ACOT11: variants seen among roughly 807,000 people sequenced by gnomAD.
ACOT11 encodes the protein acyl-CoA thioesterase 11.
ACOT11 carries 69 observed loss-of-function variants against 77.5 expected under a neutral mutation model. The ratio of observed to expected loss-of-function variants is 0.89; its 90% CI spans 0.73 to 1.09. The LOEUF (loss-of-function observed/expected upper bound fraction) is 1.09, where lower values mean the gene tolerates loss of function less well. ACOT11 is among the 50% of genes least tolerant of loss of function. The pLI is 0.00. For synonymous variants in ACOT11, 279 were observed against 313.0 expected, an observed-to-expected ratio of 0.89 and a Z score of 1.15; for missense variants, 766 against 813.7, an observed-to-expected ratio of 0.94 and a Z score of 0.71.
In ACOT11 at chr1:54,604,272, C is replaced by T. The variant is rs1643999257; in HGVS notation, c.1153-74C>T. ...ATTCCTGGCCCAGGTTCCTCTCTGG[C>T]ACACCCTTGGCCTTGGCTCAGGGGC... On this transcript the variant is annotated intron_variant, in intron 11 of 15. Coordinates refer to ENST00000343744, the MANE Select transcript of ACOT11 (RefSeq NM_147161.4). The T allele has an allele frequency of 3.5e-6, 5 of 1,419,096 alleles. No individual in the cohort carries two copies. In the Middle Eastern group the frequency reaches 7.0e-4, roughly 197 times the overall value. The allele number at this position is 1,419,096 out of a possible 1,614,324, so 87.9% of individuals were successfully genotyped here. A position where few individuals can be genotyped will look rare whatever the true frequency, so the allele number is the denominator to read the frequency against.
At chr1:54,611,862 C>T (rs541940461), downstream of ACOT11, 113 of 1,195,898 alleles carry the variant, frequency 9.4e-5, no homozygotes, top group African/African-American at 1.1e-4. Context: ...GTCCTCCAGT[C>T]GCCCACCTGC....
intron 15 of ACOT11, chr1:54,616,171 G>T: frequency 1.2e-6 from 2 of 1,612,812 alleles, no homozygotes; most frequent in Non-Finnish European, 1.7e-6. Context: ...CTGTGATGTT[G>T]CCTGTGGAAG....
intron 1 of ACOT11, among the ~76,000 whole-genome samples, chr1:54,559,791 G>T (rs1375851080): frequency 6.6e-6 from 1 of 152,156 alleles, no homozygotes; most frequent in Non-Finnish European, 1.5e-5. Context: ...CAAGGCTCTG[G>T]TATGAAGCCA....
At chr1:54,574,502 A>G (rs1238230601) in intron 1 of ACOT11, among the ~76,000 whole-genome samples, 1 of 152,232 alleles carries the variant, frequency 6.6e-6, no homozygotes, top group African/African-American at 2.4e-5. Flanking sequence ...AGGCAGGACC[A>G]TGGCAACTTA....
chr1:54,574,749 C>T (rs570201835), intron 1 of ACOT11, among the ~76,000 whole-genome samples: 21 of 152,274 alleles, frequency 1.4e-4, no homozygotes, highest in African/African-American at 5.1e-4. Flanking sequence ...ACCCACTGTC[C>T]ACCAGCAAAC....
chr1:54,550,995 C>T (rs1323409987), intron 1 of ACOT11, among the ~76,000 whole-genome samples: 2 of 151,910 alleles, frequency 1.3e-5, no homozygotes, highest in Non-Finnish European at 2.9e-5. Flanking sequence ...CAAAAATTAG[C>T]TGGGCATGGT....
chr1:54,628,593 G>GCCC (rs61261431), intron 15 of ACOT11, among the ~76,000 whole-genome samples: 7 of 70,332 alleles, frequency 1.0e-4, no homozygotes, highest in South Asian at 5.2e-4. Flanking sequence ...AGACCCCATC[G>GCCC]CCCCCCCCCC....
chr1:54,612,108 G>T (rs1289996274), downstream of ACOT11, among the ~76,000 whole-genome samples: 1 of 150,448 alleles, frequency 6.6e-6, no homozygotes, highest in Non-Finnish European at 1.5e-5. Context: ...TGGAAGGTAG[G>T]GGGTATAGTG....
rs1557660320 is a variant in ACOT11 at position 54,594,588 on chromosome 1, A to T, written c.504A>T (p.Glu168Asp). 6.2e-7 allele frequency: 1 copy of T among 1,614,136 alleles called. No individual in the cohort carries two copies. Among genetic ancestry groups the T allele is most frequent in the African/African-American group, 1.3e-5 (1 of 75,074 alleles). ...VKLKQITPRT[E>D]EEKMEHSVAA... ...TGAAGCAGATCACGCCGCGGACAGA[A>T]GAGGAGAAGATGGAGCACAGTGTGG... The change falls in exon 6 of 16, where the codon GAA becomes GAT. Residue 168 changes from glutamate (E) to aspartate (D), a missense_variant. Physicochemically the swap from Glu to Asp is conservative, Grantham distance 45. Coordinates refer to ENST00000343744, the MANE Select transcript of ACOT11 (RefSeq NM_147161.4).
rs766620505 is a variant in ACOT11 at position 54,609,899 on chromosome 1, GTT to G, written c.*788_*789del. 2.5e-6 allele frequency: 4 copies of G among 1,611,042 alleles called. No homozygotes were observed. The highest frequency in any genetic ancestry group is 3.4e-6 in the Non-Finnish European group (4 of 1,179,912). On this transcript the variant is annotated 3_prime_UTR_variant, in exon 16 of 16. Transcript: ENST00000343744. ...AATGGGCACGGGGTTTTCAGCCACAGTTCCCTCGAGGCCAGTGTTCAGCAGGA... is the reference window on the plus strand; with the variant it reads ...AATGGGCACGGGGTTTTCAGCCACAGCCCTCGAGGCCAGTGTTCAGCAGGA...
intron 1 of ACOT11, among the ~76,000 whole-genome samples, chr1:54,573,885 C>G (rs1231936235): frequency 6.6e-6 from 1 of 151,914 alleles, no homozygotes; most frequent in Non-Finnish European, 1.5e-5. Context: ...AAAAATTAGC[C>G]GGGCGTGATG....
At chr1:54,624,947 G>A (rs1301785664) in intron 15 of ACOT11, among the ~76,000 whole-genome samples, 2 of 151,954 alleles carry the variant, frequency 1.3e-5, no homozygotes, top group Non-Finnish European at 2.9e-5. Context: ...GGTGCTGGTT[G>A]GGAGGTGATG....
At chr1:54,603,198 G>A (rs1426782260) in intron 10 of ACOT11, among the ~76,000 whole-genome samples, 3 of 152,200 alleles carry the variant, frequency 2.0e-5, no homozygotes, top group African/African-American at 7.2e-5. Context: ...TTAGCTGGGC[G>A]TGGTGGCTCT....
chr1:54,611,626 G>T, downstream of ACOT11: 1 of 1,613,982 alleles, frequency 6.2e-7, no homozygotes, highest in South Asian at 1.1e-5. Flanking sequence ...CTTGAACTGT[G>T]ACAGGAGAGG....
At chr1:54,575,145 G>A (rs570535739) in intron 1 of ACOT11, among the ~76,000 whole-genome samples, 2 of 152,202 alleles carry the variant, frequency 1.3e-5, no homozygotes, top group Admixed American at 6.5e-5. Flanking sequence ...TCGTGGTGCC[G>A]AGGAAAGGGC....
Position 54,551,732 on chromosome 1 carries a change from GTTTTGTTTTTGT to G in ACOT11, c.33+3418_33+3429del, listed in dbSNP as rs200918442. 4.7e-3 allele frequency among the ~76,000 whole-genome samples: 699 copies of G among 149,922 alleles called. 4 individuals are homozygous for G. Among genetic ancestry groups the G allele is most frequent in the African/African-American group, 0.013 (527 of 40,046 alleles). On this transcript the variant is annotated intron_variant, in intron 1 of 15. Coordinates refer to ENST00000343744, the MANE Select transcript of ACOT11 (RefSeq NM_147161.4). ...TTTGTTTTGTTTTTGTTTTTGTTTT[GTTTTGTTTTTGT>G]TTTTGTTTTTGTTTTTGTTTTTGTT... is the stretch of plus-strand genomic sequence containing the variant.
chr1:54,587,104 T>A (rs1654528615), intron 3 of ACOT11, among the ~76,000 whole-genome samples: 1 of 152,174 alleles, frequency 6.6e-6, no homozygotes, highest in South Asian at 2.1e-4. Flanking sequence ...CCAGAGGCCT[T>A]GCTGAGACTG....
At chr1:54,562,442 G>C (rs1653551993) in intron 1 of ACOT11, among the ~76,000 whole-genome samples, 1 of 86,026 alleles carries the variant, frequency 1.2e-5, no homozygotes, top group Non-Finnish European at 2.2e-5. Context: ...CCGGGCGGGG[G>C]GCTGATCCCC....
chr1:54,627,758 G>A (rs1257906131), intron 15 of ACOT11, among the ~76,000 whole-genome samples: 2 of 134,500 alleles, frequency 1.5e-5, no homozygotes, highest in African/African-American at 5.0e-5. Context: ...GGGTGGGCCA[G>A]GAGGCTTTCA....
Sources: allele counts gnomAD v4.1 joint callset (sites outside exome capture counted in the v4.1 genomes callset), GRCh38; gene constraint gnomAD v4.1.1; transcripts MANE v1.5; gene names NCBI Gene and HGNC (gene_info 2026-07-23, HGNC 2026-07-21).